FOXJ3: variants seen among roughly 807,000 people sequenced by gnomAD.
FOXJ3 encodes forkhead box J3.
In FOXJ3, 22 loss-of-function variants were observed where a neutral mutation model predicts 76.1. The ratio of observed to expected loss-of-function variants is 0.29; its 90% CI spans 0.21 to 0.41. The LOEUF (loss-of-function observed/expected upper bound fraction) is 0.41, where lower values mean the gene tolerates loss of function less well. FOXJ3 is among the 10% of genes least tolerant of loss of function. The pLI is 1.00. For missense variants in FOXJ3, 613 were observed against 762.1 expected (o/e 0.80, Z 2.30); for synonymous variants, 269 against 261.2 (o/e 1.03, Z -0.29).
chr1:42,334,112 A>C (rs779843095), intron 1 of FOXJ3: 51 of 973,072 alleles, frequency 5.2e-5, no homozygotes, highest in Non-Finnish European at 6.2e-5. Context: ...CAAAAAGTAA[A>C]ACAGAGAAAT....
intron 1 of FOXJ3, among the ~76,000 whole-genome samples, chr1:42,328,770 G>A (rs556997976): frequency 6.1e-4 from 91 of 149,366 alleles, no homozygotes; most frequent in African/African-American, 2.0e-3. Flanking sequence ...AGGTTCAAGC[G>A]ATTCTCCTGC....
chr1:42,224,647 T>G (rs1489474703), intron 5 of FOXJ3, among the ~76,000 whole-genome samples: 6 of 151,230 alleles, frequency 4.0e-5, no homozygotes, highest in Admixed American at 6.6e-5. Flanking sequence ...TTTGAGACTC[T>G]GTCTCAAAAG....
intron 2 of FOXJ3, among the ~76,000 whole-genome samples, chr1:42,297,632 T>C (rs1046967675): frequency 2.0e-5 from 3 of 152,224 alleles, no homozygotes; most frequent in Non-Finnish European, 4.4e-5. Context: ...CATGATTTAT[T>C]ATCTTTTTGA....
rs370528666 is a variant in FOXJ3 at position 42,191,562 on chromosome 1, C to A, written c.1092G>T (p.Ser364=). ...GSGLNTTGSN[S]VAQVSLSHPQ... Reference sequence around the variant, plus strand: ...GGTGAGACAGTGAGACCTGTGCAACCGAATTACTGCCTGTGGTGTTGAGGC... The same window carrying A: ...GGTGAGACAGTGAGACCTGTGCAACAGAATTACTGCCTGTGGTGTTGAGGC... Residue 364 remains serine (S), a synonymous_variant, in exon 9 of 13, where the codon TCG becomes TCT. Coordinates refer to ENST00000361346, the MANE Select transcript of FOXJ3 (RefSeq NM_014947.5). The A allele has an allele frequency of 6.2e-7, 1 of 1,613,992 alleles. No homozygotes were observed. Among genetic ancestry groups the A allele is most frequent in the Admixed American group, 1.7e-5 (1 of 59,986 alleles).
chr1:42,194,590 A>T (rs888083844), intron 8 of FOXJ3, among the ~76,000 whole-genome samples: 1 of 152,224 alleles, frequency 6.6e-6, no homozygotes, highest in Non-Finnish European at 1.5e-5. Flanking sequence ...AGATATCACT[A>T]ATTAATTATA....
At chr1:42,303,742 C>T (rs890740151) in intron 2 of FOXJ3, among the ~76,000 whole-genome samples, 1 of 152,166 alleles carries the variant, frequency 6.6e-6, no homozygotes, top group African/African-American at 2.4e-5. Context: ...TTAAATATCA[C>T]CAGAAACTAC....
At chr1:42,313,163 C>T in intron 1 of FOXJ3, among the ~76,000 whole-genome samples, 1 of 152,056 alleles carries the variant, frequency 6.6e-6, no homozygotes, top group East Asian at 1.9e-4. Flanking sequence ...GATGAAACCC[C>T]ATCTCTACTG....
At chr1:42,286,444 T>C (rs1381733357) in intron 2 of FOXJ3, among the ~76,000 whole-genome samples, 2 of 152,180 alleles carry the variant, frequency 1.3e-5, no homozygotes, top group Admixed American at 1.3e-4. Context: ...AACAAGTAAA[T>C]TAACCTCCTT....
intron 5 of FOXJ3, among the ~76,000 whole-genome samples, chr1:42,225,919 G>A (rs1569942447): frequency 1.3e-5 from 2 of 152,094 alleles, no homozygotes; most frequent in African/African-American, 4.8e-5. Flanking sequence ...AAGAATAAAA[G>A]GCAAGCTTAA....
At chr1:42,303,504 C>A (rs748687390) in intron 2 of FOXJ3, among the ~76,000 whole-genome samples, 4 of 152,144 alleles carry the variant, frequency 2.6e-5, no homozygotes, top group Non-Finnish European at 5.9e-5. Flanking sequence ...TCTGGTAGTT[C>A]TAAACAGCAG....
chr1:42,273,052 T>C (rs1287868617), intron 3 of FOXJ3, among the ~76,000 whole-genome samples: 3 of 152,210 alleles, frequency 2.0e-5, no homozygotes, highest in African/African-American at 7.2e-5. Context: ...CCACTCAATT[T>C]AGATTATCAT....
rs1471405901 is a variant in FOXJ3, at chr1:42,188,748, T to C, written c.1634A>G (p.His545Arg). 1.9e-6 allele frequency: 3 copies of C among 1,591,842 alleles called. No homozygotes were observed. Among genetic ancestry groups the C allele is most frequent in the East Asian group, 2.3e-5 (1 of 44,132 alleles). The change falls in exon 11 of 13, where the codon CAC becomes CGC. Residue 545 changes from histidine (H) to arginine (R), a missense_variant. Transcript: ENST00000361346. ...AACTAACCCCATACCTGTTCCAATG[T>C]GTTGGGAAGGTTTTGTTGGATGCAT... ...GAMHPTKPSQ[H>R]IGTGNLYIDS...
chr1:42,256,903 G>A (rs1650635297), intron 4 of FOXJ3, among the ~76,000 whole-genome samples: 1 of 152,182 alleles, frequency 6.6e-6, no homozygotes, highest in South Asian at 2.1e-4. Context: ...ACAAACAAGT[G>A]ATATATGTAG....
chr1:42,237,425 T>TACACAC (rs1553161288), intron 4 of FOXJ3, among the ~76,000 whole-genome samples: 1 of 137,504 alleles, frequency 7.3e-6, no homozygotes, highest in African/African-American at 2.7e-5. Flanking sequence ...TATATATATA[T>TACACAC]ATACATACAT....
At position 42,207,234 on chromosome 1, in the gene FOXJ3, T is replaced by C. The variant is rs570897356; in HGVS notation, c.529-1371A>G. Among the ~76,000 whole-genome samples, 13 of 152,310 alleles carry C rather than the reference T, an allele frequency of 8.5e-5. No individual in the cohort carries two copies. The East Asian group carries it at 2.5e-3, about 29-fold the overall frequency. ...CTGATAATCACCAATCTACTTTCTATCTTCATGTAATCCACTTTTTTAGCT... is the reference window on the plus strand; with the variant it reads ...CTGATAATCACCAATCTACTTTCTACCTTCATGTAATCCACTTTTTTAGCT... On this transcript the variant is annotated intron_variant, in intron 5 of 12. Transcript: ENST00000361346.
In FOXJ3 at chr1:42,233,517, G is replaced by GT. The variant is rs1307995396; in HGVS notation, c.445-5552dup. ...CTTGAAGAGGTCCTTCACATCCCTT[G>GT]TAAGTTGGATTCCTAGGTATTTTAT... On this transcript the variant is annotated intron_variant, in intron 4 of 12. Coordinates refer to ENST00000361346, the MANE Select transcript of FOXJ3 (RefSeq NM_014947.5). Among the ~76,000 whole-genome samples the GT allele has an allele frequency of 3.3e-5, 2 of 60,152 alleles. 1 individual carries two copies. The highest frequency in any genetic ancestry group is 1.0e-4 in the African/African-American group (2 of 19,758). 39.5% of individuals were successfully genotyped at this position (60,152 alleles called of 152,430 possible). A position where few individuals can be genotyped will look rare whatever the true frequency, so the allele number is the denominator to read the frequency against.
Position 42,290,970 on chromosome 1 carries a change from G to A in FOXJ3, c.45-12298C>T, listed in dbSNP as rs569138247. Among the ~76,000 whole-genome samples, 6 of 152,046 alleles carry A rather than the reference G, an allele frequency of 3.9e-5. No homozygotes were observed. In the South Asian group the frequency reaches 1.2e-3, roughly 32 times the overall value. ...TTTACTGTAAAATTCCAATGACCAA[G>A]TTTTGGAGAAAGGACAGACATAGAT... On this transcript the variant is annotated intron_variant, in intron 2 of 12. Transcript: ENST00000361346.
At chr1:42,305,825 ATAATT>A (rs1654424833) in intron 2 of FOXJ3, among the ~76,000 whole-genome samples, 1 of 152,210 alleles carries the variant, frequency 6.6e-6, no homozygotes, top group African/African-American at 2.4e-5. Flanking sequence ...ACAGTCAGTA[ATAATT>A]TAATTGTACA....
At chr1:42,309,220 C>A (rs1039199790) in intron 2 of FOXJ3, among the ~76,000 whole-genome samples, 9 of 152,060 alleles carry the variant, frequency 5.9e-5, no homozygotes, top group Non-Finnish European at 7.4e-5. Context: ...CTCCTTCTGC[C>A]CTCCAAAGCT....
Sources: allele counts gnomAD v4.1 joint callset (sites outside exome capture counted in the v4.1 genomes callset), GRCh38; gene constraint gnomAD v4.1.1; transcripts MANE v1.5; gene names NCBI Gene and HGNC (gene_info 2026-07-23, HGNC 2026-07-21).